Variants in FMO3 observed in about 807,000 individuals in gnomAD.
FMO3 encodes flavin-containing monooxygenase 3.
A neutral mutation model predicts 39.4 loss-of-function variants in FMO3; 40 were observed. The observed-to-expected ratio is 1.02, with a 90% CI of 0.79 to 1.32. The LOEUF (loss-of-function observed/expected upper bound fraction) is 1.32, where lower values mean the gene tolerates loss of function less well. Among genes scored for constraint, FMO3 ranks in the 40% most tolerant of loss-of-function variants. FMO3 has a pLI of 0.00. For missense variants in FMO3, 680 were observed against 651.8 expected, an observed-to-expected ratio of 1.04 and a Z score of -0.47; for synonymous variants, 219 against 228.8, an observed-to-expected ratio of 0.96 and a Z score of 0.39.
chr1:171,092,365 A>G (rs1263338221), intron 1 of FMO3, among the ~76,000 whole-genome samples: 1 of 151,966 alleles, frequency 6.6e-6, no homozygotes, highest in African/African-American at 2.4e-5. Flanking sequence ...GAGTACAGGC[A>G]TGTGCCACCA....
At position 171,117,408 on chromosome 1, in the gene FMO3, T is replaced by A; in HGVS notation, c.1565T>A (p.Ile522Asn). The change falls in exon 9 of 9, where the codon ATT becomes AAT. Residue 522 changes from isoleucine to asparagine, a missense_variant. Coordinates refer to ENST00000367755, the MANE Select transcript of FMO3 (RefSeq NM_001002294.3). The part of the protein sequence containing the change: ...FHWLKLFAIP[I>N]LLIAVFLVLT The stretch of plus-strand genomic sequence containing the variant: ...TGGCTGAAGCTCTTTGCAATTCCTA[T>A]TCTGTTAATCGCTGTTTTCCTTGTG... The A allele has an allele frequency of 6.2e-7, 1 of 1,613,506 alleles. No homozygotes were observed. The highest frequency in any genetic ancestry group is 8.5e-7 in the Non-Finnish European group (1 of 1,179,828).
chr1:171,093,638 C>T (rs1379015539), intron 2 of FMO3, among the ~76,000 whole-genome samples: 1 of 151,728 alleles, frequency 6.6e-6, no homozygotes, highest in Admixed American at 6.6e-5. Context: ...AATGGTGCTG[C>T]GATAAACATA....
At chr1:171,104,194 T>C (rs1655538799) in intron 3 of FMO3, among the ~76,000 whole-genome samples, 1 of 152,158 alleles carries the variant, frequency 6.6e-6, no homozygotes, top group Non-Finnish European at 1.5e-5. Context: ...AAATCACTAC[T>C]AATTTAGAAA....
chr1:171,094,201 T>C lies in FMO3; in HGVS notation c.132+1411T>C, dbSNP rs571954671. ...TTTATTGCGGTTTTAATTTGCATTTTCTCTGGTAATTCGTGATGTTAAGCA... is the reference window on the plus strand; with the variant it reads ...TTTATTGCGGTTTTAATTTGCATTTCCTCTGGTAATTCGTGATGTTAAGCA... On this transcript the variant is annotated intron_variant, in intron 2 of 8. Transcript: ENST00000367755. Among the ~76,000 whole-genome samples, 3 of 152,244 alleles carry C rather than the reference T, an allele frequency of 2.0e-5. 1 individual carries two copies. The South Asian group carries it at 6.2e-4, about 32-fold the overall frequency.
Position 171,103,841 on chromosome 1 carries a change from CAA to C in FMO3, c.191_192del (p.Lys64ArgfsTer13), listed in dbSNP as rs1331111339. ...IYKSVFSNSS[K>X]EMMCFPDFPF... ...ACAAATCAGTCTTTTCCAACTCTTC[CAA>C]AGAGATGATGTGTTTCCCAGACTTC... On this transcript the variant is annotated frameshift_variant, in exon 3 of 9. Transcript: ENST00000367755. LOFTEE classifies it high-confidence loss of function. 4 of 1,613,608 alleles carry C rather than the reference CAA, an allele frequency of 2.5e-6. No homozygotes were observed. The African/African-American group carries it at 5.3e-5, about 22-fold the overall frequency.
At chr1:171,101,668 C>A (rs1217493304) in intron 2 of FMO3, 10 of 479,566 alleles carry the variant, frequency 2.1e-5, no homozygotes, top group Admixed American at 2.1e-4. Context: ...CTAGTTCTGA[C>A]TTCTAACCCT....
At chr1:171,100,237 G>A (rs1476689657) in intron 2 of FMO3, 1 of 152,216 alleles carries the variant, frequency 6.6e-6, no homozygotes, top group Non-Finnish European at 1.5e-5. Flanking sequence ...GCTCGAGGAA[G>A]ACTTTAAAAT....
chr1:171,116,257 G>GA lies in FMO3; in HGVS notation c.1237dup (p.Met413AsnfsTer24), dbSNP rs763690279. On this transcript the variant is annotated frameshift_variant, in exon 8 of 9. Transcript: ENST00000367755. LOFTEE classifies it low-confidence loss of function (END_TRUNC). ...AAGACATGATGAATGATATTAATGA[G>GA]AAAATGGAGAAAAAGCGCAAATGGT... 1.6e-5 allele frequency: 26 copies of GA among 1,599,496 alleles called. No individual in the cohort carries two copies. The highest frequency in any genetic ancestry group is 2.1e-5 in the Non-Finnish European group (25 of 1,167,494).
At chr1:171,095,225 G>A (rs748719050) in intron 2 of FMO3, among the ~76,000 whole-genome samples, 41 of 152,098 alleles carry the variant, frequency 2.7e-4, no homozygotes, top group Non-Finnish European at 5.3e-4. Flanking sequence ...TGGGACCATG[G>A]ATTTTAAAGT....
At chr1:171,098,206 G>C (rs899264962) in intron 2 of FMO3, among the ~76,000 whole-genome samples, 1 of 152,214 alleles carries the variant, frequency 6.6e-6, no homozygotes, top group African/African-American at 2.4e-5. Flanking sequence ...TTGTAGTATA[G>C]TTTGAAGTCA....
At chr1:171,096,112 TTA>T (rs1655019510) in intron 2 of FMO3, among the ~76,000 whole-genome samples, 1 of 83,022 alleles carries the variant, frequency 1.2e-5, no homozygotes, top group Admixed American at 2.2e-4. Context: ...TAATTAATTA[TTA>T]TATATTAATA....
In FMO3 at chr1:171,108,208, G is replaced by C; in HGVS notation, c.614G>C (p.Arg205Pro). 6.2e-7 allele frequency: 1 copy of C among 1,613,754 alleles called. No individual in the cohort carries two copies. The highest frequency in any genetic ancestry group is 2.2e-5 in the East Asian group (1 of 44,868). ...TGTGATATTGCCACAGAACTCAGCC[G>C]CACAGCAGAACAGGTACTACTCCCC... Reference protein sequence around the residue: ...SGCDIATELSRTAEQVMISSR... With the variant: ...SGCDIATELSPTAEQVMISSR... The change falls in exon 5 of 9, where the codon CGC becomes CCC. Residue 205 changes from arginine (R) to proline (P), a missense_variant. Physicochemically the swap from Arg to Pro is moderately radical, Grantham distance 103 (BLOSUM62 -2). Coordinates refer to ENST00000367755, the MANE Select transcript of FMO3 (RefSeq NM_001002294.3).
At chr1:171,092,942 G>A (rs1475566369) in intron 2 of FMO3, 152 bp downstream of exon 2, 1 of 834,508 alleles carries the variant, frequency 1.2e-6, no homozygotes, top group Admixed American at 2.1e-5. Flanking sequence ...AGAGCAGGTT[G>A]GAAAGTAACC....
chr1:171,098,688 G>A (rs562710609), intron 2 of FMO3, among the ~76,000 whole-genome samples: 1 of 152,120 alleles, frequency 6.6e-6, no homozygotes, highest in African/African-American at 2.4e-5. Flanking sequence ...AGGAGATTTT[G>A]GGCTGAGACG....
At chr1:171,092,901 T>C (rs1338638885) in intron 2 of FMO3, 111 bp downstream of exon 2, 2 of 1,177,974 alleles carry the variant, frequency 1.7e-6, no homozygotes, top group East Asian at 5.0e-5. Context: ...ATCATATCTG[T>C]TAGAATTGGA....
At chr1:171,095,899 ATAATATGTATAAAT>A in intron 2 of FMO3, among the ~76,000 whole-genome samples, 1 of 34,588 alleles carries the variant, frequency 2.9e-5, no homozygotes, top group East Asian at 9.0e-4. Flanking sequence ...ATATATAATT[ATAATATGTATAAAT>A]ATATATTTAT....
intron 2 of FMO3, among the ~76,000 whole-genome samples, chr1:171,102,501 A>G (rs1031975169): frequency 6.6e-6 from 1 of 152,160 alleles, no homozygotes; most frequent in Admixed American, 6.6e-5. Flanking sequence ...GCTGTAACAG[A>G]TGTGTCCTAT....
Position 171,117,159 on chromosome 1 carries a change from C to T in FMO3, c.1316C>T (p.Ser439Phe), listed in dbSNP as rs748590807. 1 of 1,614,210 alleles carries T rather than the reference C, an allele frequency of 6.2e-7. No individual in the cohort carries two copies. The highest frequency in any genetic ancestry group is 1.3e-5 in the African/African-American group (1 of 75,066). The stretch of plus-strand genomic sequence containing the variant: ...ATTGTTTATATGGATGAACTCTCCT[C>T]CTTCATTGGGGCAAAGCCCAACATC... ...DYIVYMDELS[S>F]FIGAKPNIPW... Residue 439 changes from serine (S) to phenylalanine (F), a missense_variant, in exon 9 of 9, where the codon TCC becomes TTC. Transcript: ENST00000367755.
chr1:171,112,697 A>G (rs28363575), intron 6 of FMO3, among the ~76,000 whole-genome samples: 2,817 of 152,300 alleles, frequency 0.018, 96 homozygotes, highest in African/African-American at 0.065. Context: ...TTGAGCCAGC[A>G]GTGGGAAACA....
Sources: gnomAD v4.1 joint callset for allele counts (sites outside exome capture counted in the v4.1 genomes callset) on GRCh38, gnomAD v4.1.1 for gene constraint, MANE v1.5 for transcripts, NCBI Gene and HGNC (gene_info 2026-07-23, HGNC 2026-07-21) for gene names.